Variants in HLCS observed in about 807,000 individuals in gnomAD.
The protein encoded by HLCS is biotin--protein ligase.
In HLCS, 53 loss-of-function variants were observed where a neutral mutation model predicts 75.0. That is an observed-to-expected ratio of 0.71 (90% CI 0.57 to 0.89). The LOEUF is 0.89. HLCS is among the 40% of genes least tolerant of loss of function. The pLI, the probability that HLCS is intolerant of heterozygous loss-of-function variation, is 0.00. For missense variants in HLCS, 966 were observed against 1,074.0 expected (o/e 0.90, Z 1.41); for synonymous variants, 431 against 428.6 (o/e 1.01, Z -0.07).
chr21:36,947,374 A>G, intron 2 of HLCS: 2 of 985,466 alleles, frequency 2.0e-6, no homozygotes, highest in Non-Finnish European at 2.4e-6. Context: ...TCCATGAGCC[A>G]TGGACCATGC....
chr21:36,822,347 G>A (rs548955167), intron 6 of HLCS, among the ~76,000 whole-genome samples: 2 of 152,160 alleles, frequency 1.3e-5, no homozygotes, highest in Non-Finnish European at 2.9e-5. Flanking sequence ...TTGAACCCGG[G>A]AGGCAGAGGT....
chr21:36,905,443 T>C (rs984040658), intron 5 of HLCS, among the ~76,000 whole-genome samples: 59 of 152,318 alleles, frequency 3.9e-4, no homozygotes, highest in African/African-American at 1.4e-3. Flanking sequence ...CAGATTCCAC[T>C]TCAAGGGGGT....
chr21:36,818,962 T>C (rs1166429600), intron 6 of HLCS, among the ~76,000 whole-genome samples: 1 of 152,164 alleles, frequency 6.6e-6, no homozygotes, highest in African/African-American at 2.4e-5. Context: ...GCACAGGGTA[T>C]GGCTGGATGG....
chr21:36,807,449 C>A (rs1303711123), intron 6 of HLCS, among the ~76,000 whole-genome samples: 1 of 152,168 alleles, frequency 6.6e-6, no homozygotes, highest in Non-Finnish European at 1.5e-5. Flanking sequence ...GGAAAGCAGG[C>A]CAGATAGAAT....
At chr21:36,781,839 G>C (rs1569000704) in intron 6 of HLCS, among the ~76,000 whole-genome samples, 1 of 152,190 alleles carries the variant, frequency 6.6e-6, no homozygotes, top group South Asian at 2.1e-4. Flanking sequence ...ACACTTACAA[G>C]TCAGTAAATT....
intron 6 of HLCS, among the ~76,000 whole-genome samples, chr21:36,770,596 G>A (rs554488746): frequency 1.7e-4 from 19 of 110,866 alleles, no homozygotes; most frequent in South Asian, 1.7e-3. Flanking sequence ...TTTTTTTTTC[G>A]TTTGAGATGG....
In HLCS at chr21:36,880,111, G is replaced by A. The variant is rs147129746; in HGVS notation, c.1892+16749C>T. On this transcript the variant is annotated intron_variant, in intron 6 of 10. Transcript: ENST00000674895. ...TCAGTAGAAGTCAAATCCCTCATTC[G>A]TTTCCAATGATGACAACATGGTGCT... Among the ~76,000 whole-genome samples the A allele has an allele frequency of 4.2e-3, 642 of 152,182 alleles. 5 individuals are homozygous for A. The highest frequency in any genetic ancestry group is 0.014 in the African/African-American group (588 of 41,524).
rs374575697 is a variant in HLCS, at chr21:36,919,700, T to C, written c.1620+10551A>G. On this transcript the variant is annotated intron_variant, in intron 5 of 10. Transcript: ENST00000674895. ...AAATCTGAGGCTGCTATATAGTGTA[T>C]TGATAATTCTTAAATTAACAGTAAA... Among the ~76,000 whole-genome samples, 86 of 152,362 alleles carry C rather than the reference T, an allele frequency of 5.6e-4. No homozygotes were observed. In the Middle Eastern group the frequency reaches 0.02, roughly 36 times the overall value.
chr21:36,880,962 G>C (rs555793396), intron 6 of HLCS, among the ~76,000 whole-genome samples: 4 of 147,286 alleles, frequency 2.7e-5, no homozygotes, highest in African/African-American at 5.3e-5. Context: ...GTTTTTGTTT[G>C]TTTGTTTGTT....
intron 6 of HLCS, among the ~76,000 whole-genome samples, chr21:36,822,056 T>C (rs753546097): frequency 3.9e-5 from 6 of 152,122 alleles, no homozygotes; most frequent in South Asian, 2.1e-4. Context: ...TAATGAGCCA[T>C]TGTCAGGCCT....
intron 6 of HLCS, among the ~76,000 whole-genome samples, chr21:36,861,695 T>C (rs1183630235): frequency 1.3e-5 from 2 of 152,194 alleles, no homozygotes; most frequent in Non-Finnish European, 2.9e-5. Context: ...TTTAAAAGAG[T>C]ACCTCCCTCT....
chr21:36,904,111 T>A lies in HLCS; in HGVS notation c.1621-6980A>T, dbSNP rs565845479. On this transcript the variant is annotated intron_variant, in intron 5 of 10. Coordinates refer to ENST00000674895, the MANE Select transcript of HLCS (RefSeq NM_001352514.2). ...CGTCTATTCTTTCTAAATTGCCCAA[T>A]CTCAGGTATTCTGTTATAGCAACAG... Among the ~76,000 whole-genome samples, 5 of 152,300 alleles carry A rather than the reference T, an allele frequency of 3.3e-5. No individual in the cohort carries two copies. In the East Asian group the frequency reaches 9.6e-4, roughly 29 times the overall value.
rs576352189 is a variant in HLCS at position 36,932,935 on chromosome 21, TG to T, written c.1438-2503del. 6.6e-5 allele frequency among the ~76,000 whole-genome samples: 10 copies of T among 152,208 alleles called. No individual in the cohort carries two copies. In the East Asian group the frequency reaches 1.7e-3, roughly 26 times the overall value. On this transcript the variant is annotated intron_variant, in intron 4 of 10. Transcript: ENST00000674895. ...GAGTTTGAGACCAGCCTGGACAACA[TG>T]GTGAAACCCCACTGCCACTAAAAAT...
chr21:36,914,967 GC>G (rs1252344886), intron 5 of HLCS, among the ~76,000 whole-genome samples: 1 of 152,268 alleles, frequency 6.6e-6, no homozygotes, highest in Non-Finnish European at 1.5e-5. Context: ...AGCCCTGGGG[GC>G]CCATAGGCAG....
rs192825113 is a variant in HLCS at position 36,821,825 on chromosome 21, G to A, written c.1893-54540C>T. Among the ~76,000 whole-genome samples the A allele has an allele frequency of 1.7e-3, 262 of 152,250 alleles. 2 individuals carry two copies. Among genetic ancestry groups the A allele is most frequent in the South Asian group, 8.1e-3 (39 of 4,826 alleles). On this transcript the variant is annotated intron_variant, in intron 6 of 10. Transcript: ENST00000674895. ...AGATGCAAAGTCTAGGCTGTAAGAG[G>A]AATTTTAAACGCACGCCTTTAAAAT...
intron 6 of HLCS, among the ~76,000 whole-genome samples, chr21:36,860,373 A>G (rs1309026020): frequency 6.6e-6 from 1 of 151,576 alleles, no homozygotes; most frequent in African/African-American, 2.4e-5. Flanking sequence ...CCAGGAAGCC[A>G]CACCCGCCAG....
chr21:36,908,868 C>G (rs1406879843), intron 5 of HLCS, among the ~76,000 whole-genome samples: 1 of 152,124 alleles, frequency 6.6e-6, no homozygotes, highest in Non-Finnish European at 1.5e-5. Context: ...TCCTGAGGCT[C>G]CAGGCTTAGG....
intron 5 of HLCS, among the ~76,000 whole-genome samples, chr21:36,921,671 C>T (rs542628444): frequency 2.0e-5 from 3 of 152,218 alleles, no homozygotes; most frequent in Admixed American, 2.0e-4. Flanking sequence ...TTCGCTCACA[C>T]CTAGAATCTG....
chr21:36,886,540 C>G (rs1049227083), intron 6 of HLCS, among the ~76,000 whole-genome samples: 1 of 152,002 alleles, frequency 6.6e-6, no homozygotes, highest in Admixed American at 6.6e-5. Context: ...AGGCCATGTT[C>G]GCTCCACTCC....
Sources: allele counts gnomAD v4.1 joint callset (sites outside exome capture counted in the v4.1 genomes callset), GRCh38; gene constraint gnomAD v4.1.1; transcripts MANE v1.5; gene names NCBI Gene and HGNC (gene_info 2026-07-23, HGNC 2026-07-21).